Variants in STPG2 observed in about 807,000 individuals in gnomAD.
STPG2 encodes the protein sperm-tail PG-rich repeat-containing protein 2.
STPG2 carries 56 observed loss-of-function variants against 54.2 expected under a neutral mutation model. The ratio of observed to expected loss-of-function variants is 1.03; its 90% CI spans 0.83 to 1.29. The LOEUF is 1.29. Among genes scored for constraint, STPG2 ranks in the 50% most tolerant of loss-of-function variants. The probability of loss-of-function intolerance (pLI) is 0.00; values close to 1 mark genes in which losing one functional copy is unlikely to be tolerated. For synonymous variants in STPG2, 200 were observed against 181.8 expected, an observed-to-expected ratio of 1.10 and a Z score of -0.81; for missense variants, 596 against 544.9, an observed-to-expected ratio of 1.09 and a Z score of -0.93.
chr4:97,872,692 T>C (rs1027497322), intron 8 of STPG2, among the ~76,000 whole-genome samples: 3 of 151,330 alleles, frequency 2.0e-5, no homozygotes, highest in Non-Finnish European at 4.4e-5. Context: ...AGATCATAGG[T>C]TAATTAATAA....
At chr4:97,645,743 T>G (rs1560701253) in intron 10 of STPG2, among the ~76,000 whole-genome samples, 1 of 152,130 alleles carries the variant, frequency 6.6e-6, no homozygotes, top group Non-Finnish European at 1.5e-5. Flanking sequence ...CTGGCCAACT[T>G]CATGGCTTCT....
intron 4 of STPG2, among the ~76,000 whole-genome samples, chr4:97,459,854 C>T (rs1217544547): frequency 1.3e-5 from 2 of 152,056 alleles, no homozygotes; most frequent in Non-Finnish European, 2.9e-5. Context: ...TTCTAATCAC[C>T]GAGTTTATTT....
intron 10 of STPG2, among the ~76,000 whole-genome samples, chr4:97,592,334 A>G (rs1733166818): frequency 6.6e-6 from 1 of 152,204 alleles, no homozygotes; most frequent in Non-Finnish European, 1.5e-5. Context: ...TTGTTTATGT[A>G]TTATGATAAT....
At chr4:97,827,516 T>C (rs1728300010) in intron 9 of STPG2, among the ~76,000 whole-genome samples, 1 of 152,170 alleles carries the variant, frequency 6.6e-6, no homozygotes, top group Non-Finnish European at 1.5e-5. Context: ...ATTACAGGCA[T>C]GAGCCACTGC....
chr4:97,884,554 A>G (rs1530905), intron 8 of STPG2, among the ~76,000 whole-genome samples: 88,555 of 152,008 alleles, frequency 0.58, 26,360 homozygotes, highest in East Asian at 0.74. Flanking sequence ...TCGCTCTTGC[A>G]CTTCTAGCCT....
At chr4:97,636,459 A>C (rs1721534760) in intron 10 of STPG2, among the ~76,000 whole-genome samples, 2 of 145,420 alleles carry the variant, frequency 1.4e-5, no homozygotes, top group Admixed American at 1.4e-4. Context: ...AACACATTCA[A>C]AAGCTAGCAG....
At chr4:97,878,644 G>T (rs895160274) in intron 8 of STPG2, among the ~76,000 whole-genome samples, 2 of 152,160 alleles carry the variant, frequency 1.3e-5, no homozygotes, top group African/African-American at 4.8e-5. Context: ...AGGTCCCTGG[G>T]TCAGGCCCAT....
chr4:97,980,947 G>A (rs186770153), intron 6 of STPG2, among the ~76,000 whole-genome samples: 170 of 152,264 alleles, frequency 1.1e-3, no homozygotes, highest in African/African-American at 3.9e-3. Flanking sequence ...ATTAGGATGT[G>A]CAGAATGTTA....
intron 1 of STPG2, among the ~76,000 whole-genome samples, chr4:98,136,400 C>T (rs762911678): frequency 2.0e-5 from 3 of 151,344 alleles, no homozygotes; most frequent in Non-Finnish European, 4.4e-5. Flanking sequence ...GCTCAGAACA[C>T]TTACATTAGC....
chr4:97,922,665 A>G (rs1021042002), intron 8 of STPG2, among the ~76,000 whole-genome samples: 1 of 152,222 alleles, frequency 6.6e-6, no homozygotes, highest in African/African-American at 2.4e-5. Flanking sequence ...AACCATATTT[A>G]TGCTTTGCCA....
At chr4:97,593,736 C>G (rs951216320) in intron 10 of STPG2, among the ~76,000 whole-genome samples, 13 of 152,122 alleles carry the variant, frequency 8.5e-5, no homozygotes, top group Non-Finnish European at 1.2e-4. Context: ...TAAGGAAGCA[C>G]TTTAGCGAGC....
chr4:97,559,008 T>G lies in STPG2; in HGVS notation c.*50A>C, dbSNP rs1732150494. 1.4e-6 allele frequency: 2 copies of G among 1,427,644 alleles called. No homozygotes were observed. The highest frequency in any genetic ancestry group is 1.9e-6 in the Non-Finnish European group (2 of 1,030,458). 88.4% of individuals were successfully genotyped at this position (1,427,644 alleles called of 1,614,324 possible). On this transcript the variant is annotated 3_prime_UTR_variant, in exon 11 of 11. Transcript: ENST00000295268. ...AAATTTTGTTAAAATGACAAAGAAA[T>G]AAACTGACTTCCATGAAGTTGTTTT...
At chr4:97,905,017 G>A (rs1269797676) in intron 8 of STPG2, among the ~76,000 whole-genome samples, 1 of 152,044 alleles carries the variant, frequency 6.6e-6, no homozygotes, top group Non-Finnish European at 1.5e-5. Flanking sequence ...ATGGAACCAA[G>A]TTGGAAAACA....
intron 4 of STPG2, among the ~76,000 whole-genome samples, chr4:97,442,901 T>A (rs1227832290): frequency 6.6e-6 from 1 of 152,130 alleles, no homozygotes; most frequent in Non-Finnish European, 1.5e-5. Context: ...GCAGGATACC[T>A]CATGTCTAGG....
intron 10 of STPG2, among the ~76,000 whole-genome samples, chr4:97,660,292 C>T (rs768596309): frequency 1.3e-5 from 2 of 152,160 alleles, no homozygotes; most frequent in African/African-American, 2.4e-5. Flanking sequence ...TGAGCCACCG[C>T]GCCGGCCTGT....
At chr4:97,961,948 G>C (rs1733904774) in intron 7 of STPG2, among the ~76,000 whole-genome samples, 1 of 152,076 alleles carries the variant, frequency 6.6e-6, no homozygotes, top group African/African-American at 2.4e-5. Flanking sequence ...TAAAAATGTG[G>C]AACCAACCCA....
At chr4:97,793,659 T>A (rs1182943179) in intron 9 of STPG2, among the ~76,000 whole-genome samples, 1 of 151,848 alleles carries the variant, frequency 6.6e-6, no homozygotes, top group Non-Finnish European at 1.5e-5. Flanking sequence ...ATAATAAATA[T>A]ACATGAATCT....
At chr4:97,729,439 C>A (rs1048860749) in intron 9 of STPG2, among the ~76,000 whole-genome samples, 1 of 152,034 alleles carries the variant, frequency 6.6e-6, no homozygotes, top group Non-Finnish European at 1.5e-5. Context: ...GGTGAAGCCA[C>A]CTATATGAGT....
chr4:97,574,530 T>G (rs761986191), intron 10 of STPG2, among the ~76,000 whole-genome samples: 1 of 152,042 alleles, frequency 6.6e-6, no homozygotes, highest in Non-Finnish European at 1.5e-5. Context: ...TTGTTCAGAT[T>G]CTTTTTGGCA....
Sources: allele counts gnomAD v4.1 joint callset (sites outside exome capture counted in the v4.1 genomes callset), GRCh38; gene constraint gnomAD v4.1.1; transcripts MANE v1.5; gene names NCBI Gene and HGNC (gene_info 2026-07-23, HGNC 2026-07-21).